KAZN: variants seen among roughly 807,000 people sequenced by gnomAD.
KAZN encodes the protein kazrin.
Under a neutral mutation model 87.4 loss-of-function variants are expected in KAZN, and 40 were observed. The ratio of observed to expected loss-of-function variants is 0.46; its 90% CI spans 0.36 to 0.60. The LOEUF (loss-of-function observed/expected upper bound fraction) is 0.60, where lower values mean the gene tolerates loss of function less well. KAZN is among the 20% of genes least tolerant of loss of function. KAZN has a pLI of 0.00. For synonymous variants in KAZN, 466 were observed against 458.3 expected (o/e 1.02, Z -0.22); for missense variants, 898 against 1,073.9 (o/e 0.84, Z 2.29).
At chr1:14,858,514 A>G (rs779807590) in intron 1 of KAZN, among the ~76,000 whole-genome samples, 2 of 152,126 alleles carry the variant, frequency 1.3e-5, no homozygotes, top group Non-Finnish European at 2.9e-5. Context: ...CACCTGGCCA[A>G]TATGCCACAT....
At chr1:14,437,892 G>A (rs1666490568) in intron 2 of KAZN, among the ~76,000 whole-genome samples, 1 of 152,016 alleles carries the variant, frequency 6.6e-6, no homozygotes, top group South Asian at 2.1e-4. Flanking sequence ...GGAGGAGGAG[G>A]AGCTGCCATC....
chr1:14,941,023 C>T (rs1285519726), intron 1 of KAZN, among the ~76,000 whole-genome samples: 1 of 144,884 alleles, frequency 6.9e-6, no homozygotes, highest in Non-Finnish European at 1.5e-5. Flanking sequence ...TCAAGTGATT[C>T]TCCTGCCTCG....
chr1:15,095,008 G>A (rs1573294328), intron 10 of KAZN, 75 bp downstream of exon 10: 4 of 1,037,262 alleles, frequency 3.9e-6, no homozygotes, highest in South Asian at 2.9e-5. Flanking sequence ...CAGGTGGGGT[G>A]AGCGGGGCAC....
intron 2 of KAZN, among the ~76,000 whole-genome samples, chr1:14,401,366 T>C (rs1663393342): frequency 6.6e-6 from 1 of 151,556 alleles, no homozygotes; most frequent in African/African-American, 2.4e-5. Flanking sequence ...AAACTGCTGA[T>C]ATAAGGATTA....
intron 1 of KAZN, among the ~76,000 whole-genome samples, chr1:14,818,610 GCTGCACCCTCTAGACTC>G (rs148399687): frequency 0.016 from 2,379 of 152,330 alleles, 61 homozygotes; most frequent in African/African-American, 0.054. Context: ...GCAAAGGCAG[GCTGCACCCTCTAGACTC>G]CTCCTGGTGT....
intron 2 of KAZN, among the ~76,000 whole-genome samples, chr1:14,316,295 C>A (rs568593251): frequency 6.6e-6 from 1 of 151,764 alleles, no homozygotes; most frequent in Non-Finnish European, 1.5e-5. Flanking sequence ...TTTGTTTATT[C>A]GTATTTTTCA....
chr1:14,080,525 C>T (rs1643634664), intron 1 of KAZN, among the ~76,000 whole-genome samples: 1 of 152,102 alleles, frequency 6.6e-6, no homozygotes, highest in African/African-American at 2.4e-5. Context: ...TTCTTAGTTG[C>T]CTTCAGCTCA....
chr1:15,085,583 C>T (rs1640213118), intron 8 of KAZN, among the ~76,000 whole-genome samples: 2 of 152,214 alleles, frequency 1.3e-5, no homozygotes, highest in Admixed American at 1.3e-4. Flanking sequence ...CCGCCTTAGC[C>T]TCCCAAAGTG....
intron 2 of KAZN, among the ~76,000 whole-genome samples, chr1:14,296,629 C>CTTTTTTTTTTTTTT (rs775666706): frequency 1.2e-5 from 1 of 82,764 alleles, no homozygotes; most frequent in Non-Finnish European, 2.2e-5. Context: ...TTTTGTATTT[C>CTTTTTTTTTTTTTT]TTTTTTTTTT....
chr1:14,884,147 A>T (rs972195090), intron 1 of KAZN, among the ~76,000 whole-genome samples: 5 of 152,166 alleles, frequency 3.3e-5, no homozygotes. Context: ...TAATCCCAGC[A>T]CTTTGGGAGG....
intron 1 of KAZN, among the ~76,000 whole-genome samples, chr1:13,962,059 T>C (rs1309492942): frequency 1.3e-5 from 2 of 152,146 alleles, no homozygotes; most frequent in African/African-American, 4.8e-5. Context: ...GGCTGGAGCG[T>C]TGGCCATGCA....
At chr1:14,528,457 C>G (rs1672030592) in intron 2 of KAZN, among the ~76,000 whole-genome samples, 2 of 151,864 alleles carry the variant, frequency 1.3e-5, no homozygotes, top group South Asian at 4.2e-4. Context: ...AACACTCCTC[C>G]TACCTATCCA....
rs1470202259 is a variant in KAZN at position 14,773,762 on chromosome 1, C to T, written c.226+174539C>T. On this transcript the variant is annotated intron_variant, in intron 1 of 14. Coordinates refer to ENST00000376030, the MANE Select transcript of KAZN (RefSeq NM_201628.3). The surrounding 1 kb of genome is among the most constrained non-coding windows in gnomAD (Gnocchi z 5.9). ...TCTGTGGCCTGGGCTTCCGGGGCTGCCATCTCTAATGAACTCAGCCTTCCT... is the reference window on the plus strand; with the variant it reads ...TCTGTGGCCTGGGCTTCCGGGGCTGTCATCTCTAATGAACTCAGCCTTCCT... 6.6e-6 allele frequency among the ~76,000 whole-genome samples: 1 copy of T among 152,130 alleles called. No homozygotes were observed. Among genetic ancestry groups the T allele is most frequent in the Non-Finnish European group, 1.5e-5 (1 of 68,016 alleles).
chr1:14,690,786 G>C (rs1299227571), intron 1 of KAZN, among the ~76,000 whole-genome samples: 1 of 152,116 alleles, frequency 6.6e-6, no homozygotes, highest in Non-Finnish European at 1.5e-5. Context: ...TGACTCTGGA[G>C]ACCTCACTGT....
At chr1:15,075,813 T>G (rs1639713793) in intron 8 of KAZN, among the ~76,000 whole-genome samples, 1 of 152,154 alleles carries the variant, frequency 6.6e-6, no homozygotes, top group South Asian at 2.1e-4. Context: ...TTTCCTGCTC[T>G]CCTAGGTCCT....
chr1:14,391,041 G>A (rs1321945811), intron 2 of KAZN, among the ~76,000 whole-genome samples: 1 of 152,214 alleles, frequency 6.6e-6, no homozygotes, highest in Non-Finnish European at 1.5e-5. Flanking sequence ...GCAGGAACTG[G>A]CTTGGGTGTT....
intron 1 of KAZN, among the ~76,000 whole-genome samples, chr1:14,689,682 C>G (rs1641170786): frequency 6.6e-6 from 1 of 152,190 alleles, no homozygotes; most frequent in South Asian, 2.1e-4. Context: ...TGCTAGCTGC[C>G]AGAAGCGTCA....
intron 2 of KAZN, among the ~76,000 whole-genome samples, chr1:14,230,449 T>A (rs1246576968): frequency 6.6e-6 from 1 of 152,202 alleles, no homozygotes; most frequent in Non-Finnish European, 1.5e-5. Flanking sequence ...ACTCCTTTTT[T>A]ATTTGGAGAT....
intron 10 of KAZN, 35 bp from the exon 11 acceptor site, chr1:15,101,508 C>T (rs996307592): frequency 6.9e-7 from 1 of 1,450,164 alleles, no homozygotes; most frequent in Non-Finnish European, 9.5e-7. Context: ...CGCCTTTCCC[C>T]ACCCATCCAC....
Sources: gnomAD v4.1 joint callset for allele counts (sites outside exome capture counted in the v4.1 genomes callset) on GRCh38, gnomAD v4.1.1 for gene constraint, Gnocchi (gnomAD v3.1) non-coding constraint, MANE v1.5 for transcripts, NCBI Gene and HGNC (gene_info 2026-07-23, HGNC 2026-07-21) for gene names.